MDGA2: variants seen among roughly 807,000 people sequenced by gnomAD.
The protein encoded by MDGA2 is MAM domain containing glycosylphosphatidylinositol anchor 2.
Under a neutral mutation model 117.8 loss-of-function variants are expected in MDGA2, and 40 were observed. That is an observed-to-expected ratio of 0.34 (90% CI 0.26 to 0.44). The LOEUF (loss-of-function observed/expected upper bound fraction) is 0.44. Ranked by LOEUF, MDGA2 falls within the 20% of genes least tolerant of loss-of-function variation. The pLI is 1.00. For missense variants in MDGA2, 1,123 were observed against 1,250.6 expected (o/e 0.90, Z 1.54); for synonymous variants, 452 against 439.0 (o/e 1.03, Z -0.37).
At chr14:47,244,940 A>G (rs913043784) in intron 2 of MDGA2, among the ~76,000 whole-genome samples, 17 of 151,892 alleles carry the variant, frequency 1.1e-4, no homozygotes, top group Non-Finnish European at 2.9e-5. Flanking sequence ...GAAAACAAAG[A>G]TAAAGACCAT....
chr14:47,053,754 C>A (rs538606411), intron 7 of MDGA2, among the ~76,000 whole-genome samples: 79 of 150,838 alleles, frequency 5.2e-4, no homozygotes, highest in Non-Finnish European at 1.0e-3. Context: ...CCTATGTATA[C>A]AAGAGAAACA....
intron 8 of MDGA2, among the ~76,000 whole-genome samples, chr14:46,963,342 T>G (rs1885885716): frequency 6.6e-6 from 1 of 152,222 alleles, no homozygotes; most frequent in South Asian, 2.1e-4. Context: ...GTTCTCTCAT[T>G]CTTCTGAGAT....
intron 1 of MDGA2, among the ~76,000 whole-genome samples, chr14:47,648,598 G>C (rs1224845218): frequency 6.6e-6 from 1 of 152,070 alleles, no homozygotes; most frequent in Non-Finnish European, 1.5e-5. Flanking sequence ...GCAAAGTTCA[G>C]CTGCAAAGAA....
chr14:47,019,151 C>A (rs911805968), intron 8 of MDGA2, among the ~76,000 whole-genome samples: 7 of 151,656 alleles, frequency 4.6e-5, no homozygotes, highest in East Asian at 1.9e-4. Context: ...TGATTAAAGT[C>A]AAAAAATATG....
chr14:47,099,831 C>T (rs888855413), intron 5 of MDGA2, among the ~76,000 whole-genome samples: 5 of 152,068 alleles, frequency 3.3e-5, no homozygotes, highest in East Asian at 3.9e-4. Flanking sequence ...ATTTAACATG[C>T]GTAATCTGAA....
chr14:47,018,733 GAAAAAAAAAAA>G (rs60442845), intron 8 of MDGA2, among the ~76,000 whole-genome samples: 9,956 of 38,734 alleles, frequency 0.26, 655 homozygotes, highest in South Asian at 0.48. Context: ...CCATTTTACT[GAAAAAAAAAAA>G]AAAAAAAAAA....
At chr14:47,031,128 T>A (rs1234102090) in intron 8 of MDGA2, among the ~76,000 whole-genome samples, 1 of 151,854 alleles carries the variant, frequency 6.6e-6, no homozygotes, top group Non-Finnish European at 1.5e-5. Context: ...TGCTTCCTTT[T>A]AAACATAACA....
intron 1 of MDGA2, among the ~76,000 whole-genome samples, chr14:47,501,157 C>G (rs1427203048): frequency 1.3e-5 from 2 of 152,052 alleles, no homozygotes; most frequent in African/African-American, 4.8e-5. Context: ...AATATTACTA[C>G]CAGTTTACGG....
At chr14:47,023,641 T>G (rs1446205245) in intron 8 of MDGA2, among the ~76,000 whole-genome samples, 1 of 152,192 alleles carries the variant, frequency 6.6e-6, no homozygotes, top group Non-Finnish European at 1.5e-5. Flanking sequence ...AGAATGACTT[T>G]GCTCTTGATA....
chr14:47,588,439 T>A (rs1896373953), intron 1 of MDGA2, among the ~76,000 whole-genome samples: 1 of 151,820 alleles, frequency 6.6e-6, no homozygotes, highest in Non-Finnish European at 1.5e-5. Context: ...ATCATTTTCA[T>A]TACAGTCATC....
intron 1 of MDGA2, among the ~76,000 whole-genome samples, chr14:47,507,076 T>C (rs10140821): frequency 0.11 from 16,368 of 151,996 alleles, 982 homozygotes; most frequent in Middle Eastern, 0.15. Context: ...AAGAAGCACT[T>C]GTTGGCAGTT....
At chr14:47,162,995 T>C (rs1883706010) in intron 3 of MDGA2, among the ~76,000 whole-genome samples, 1 of 152,242 alleles carries the variant, frequency 6.6e-6, no homozygotes, top group Non-Finnish European at 1.5e-5. Context: ...ACTTAAGCTG[T>C]TCTATGTTTC....
chr14:47,301,699 C>T (rs1270222848), intron 1 of MDGA2, 149 bp from the exon 2 acceptor site: 2 of 756,994 alleles, frequency 2.6e-6, no homozygotes, highest in East Asian at 5.5e-5. Context: ...CTCCCCAAGG[C>T]ATTAAAGATT....
chr14:47,157,920 G>C (rs1304698455), intron 3 of MDGA2, among the ~76,000 whole-genome samples: 6 of 151,962 alleles, frequency 3.9e-5, no homozygotes, highest in Non-Finnish European at 7.4e-5. Flanking sequence ...ATGCAGAACT[G>C]TGAGTCAATT....
At chr14:46,992,773 G>T (rs1887140102) in intron 8 of MDGA2, among the ~76,000 whole-genome samples, 2 of 152,096 alleles carry the variant, frequency 1.3e-5, no homozygotes, top group African/African-American at 4.8e-5. Flanking sequence ...TTGATATGCA[G>T]AGAAATTAAA....
At chr14:47,043,766 A>G (rs888983116) in intron 7 of MDGA2, among the ~76,000 whole-genome samples, 4 of 152,064 alleles carry the variant, frequency 2.6e-5, no homozygotes, top group Non-Finnish European at 5.9e-5. Context: ...TCAACTGCTT[A>G]ACATACTTGA....
At chr14:46,933,584 C>T (rs1440424381) in intron 9 of MDGA2, among the ~76,000 whole-genome samples, 2 of 151,400 alleles carry the variant, frequency 1.3e-5, no homozygotes, top group Admixed American at 6.6e-5. Context: ...AATCAAATAA[C>T]ATTCTTTGGG....
intron 1 of MDGA2, among the ~76,000 whole-genome samples, chr14:47,509,380 T>C (rs749683866): frequency 7.2e-5 from 11 of 152,144 alleles, no homozygotes; most frequent in Admixed American, 1.3e-4. Flanking sequence ...GATCGGATCA[T>C]TGAAGGAAAG....
intron 1 of MDGA2, among the ~76,000 whole-genome samples, chr14:47,485,683 C>T (rs1894045894): frequency 6.6e-6 from 1 of 152,094 alleles, no homozygotes; most frequent in African/African-American, 2.4e-5. Flanking sequence ...TCCCTGTGTG[C>T]AACCTAGGGA....
Sources: allele counts gnomAD v4.1 joint callset (sites outside exome capture counted in the v4.1 genomes callset), GRCh38; gene constraint gnomAD v4.1.1; transcripts MANE v1.5; gene names NCBI Gene and HGNC (gene_info 2026-07-23, HGNC 2026-07-21).